CFAP95: variants seen among roughly 807,000 people sequenced by gnomAD.
CFAP95 encodes the protein cilia and flagella associated protein 95.
At chr9:69,874,901 G>A in the CFAP95 span, among the ~76,000 whole-genome samples, 1 of 152,150 alleles carries the variant, frequency 6.6e-6, no homozygotes, top group Non-Finnish European at 1.5e-5. Flanking sequence ...CCGGGTTGGT[G>A]GATTGACATT....
chr9:69,845,852 A>T, the CFAP95 span, among the ~76,000 whole-genome samples: 6 of 152,132 alleles, frequency 3.9e-5, no homozygotes, highest in Admixed American at 3.3e-4. Context: ...TCTCAGGGGA[A>T]TCTGATGATT....
chr9:69,863,913 T>G, the CFAP95 span, among the ~76,000 whole-genome samples: 1 of 152,074 alleles, frequency 6.6e-6, no homozygotes, highest in Non-Finnish European at 1.5e-5. Context: ...TATATACACA[T>G]ATAAACATGT....
chr9:69,837,644 T>A, the CFAP95 span, among the ~76,000 whole-genome samples: 2 of 152,250 alleles, frequency 1.3e-5, no homozygotes, highest in African/African-American at 4.8e-5. Flanking sequence ...CTTTGTCAGA[T>A]GAGTAGGTTG....
chr9:69,841,913 C>T, the CFAP95 span, among the ~76,000 whole-genome samples: 1 of 152,168 alleles, frequency 6.6e-6, no homozygotes, highest in African/African-American at 2.4e-5. Context: ...TCCCATGACA[C>T]ATGGGAATTA....
At chr9:69,824,602 T>C in the CFAP95 span, among the ~76,000 whole-genome samples, 2 of 151,840 alleles carry the variant, frequency 1.3e-5, no homozygotes, top group Admixed American at 1.3e-4. Flanking sequence ...TGCTATATGG[T>C]AAAATGGCCC....
At chr9:69,898,991 G>C in the CFAP95 span, among the ~76,000 whole-genome samples, 1 of 151,932 alleles carries the variant, frequency 6.6e-6, no homozygotes, top group Non-Finnish European at 1.5e-5. Flanking sequence ...AGTTAGCTGT[G>C]TAAGTCCTTT....
chr9:69,831,190 A>G, the CFAP95 span, among the ~76,000 whole-genome samples: 1 of 152,186 alleles, frequency 6.6e-6, no homozygotes, highest in Non-Finnish European at 1.5e-5. Context: ...AAATGGAAGA[A>G]TTAATATAAT....
At chr9:69,845,999 C>T in the CFAP95 span, among the ~76,000 whole-genome samples, 1 of 152,202 alleles carries the variant, frequency 6.6e-6, no homozygotes, top group Non-Finnish European at 1.5e-5. Context: ...ACAAACACAG[C>T]TTCACCTTGC....
the CFAP95 span, among the ~76,000 whole-genome samples, chr9:69,877,609 G>A: frequency 6.6e-6 from 1 of 152,112 alleles, no homozygotes; most frequent in African/African-American, 2.4e-5. Context: ...GCAGGTATAT[G>A]GCTATGCTAT....
chr9:69,886,772 C>CTTTACATGA, the CFAP95 span: 1 of 1,169,892 alleles, frequency 8.5e-7, no homozygotes, highest in Non-Finnish European at 1.3e-6. Context: ...AAGTGTATAC[C>CTTTACATGA]AATAAAAATG....
At chr9:69,906,072 A>G in the CFAP95 span, 23 of 1,613,088 alleles carry the variant, frequency 1.4e-5, no homozygotes, top group Non-Finnish European at 1.9e-5. Flanking sequence ...AGTGGGATTT[A>G]TGCTAATTCA....
At chr9:69,865,017 A>G in the CFAP95 span, among the ~76,000 whole-genome samples, 1 of 152,110 alleles carries the variant, frequency 6.6e-6, no homozygotes, top group Non-Finnish European at 1.5e-5. Context: ...CATAATCCCC[A>G]TAATCCCCAC....
the CFAP95 span, among the ~76,000 whole-genome samples, chr9:69,821,242 T>C: frequency 6.7e-6 from 1 of 148,190 alleles, no homozygotes; most frequent in Non-Finnish European, 1.5e-5. Context: ...GAGAGAGGAA[T>C]GGGAAGGAGG....
At chr9:69,879,760 T>G in the CFAP95 span, among the ~76,000 whole-genome samples, 1 of 152,196 alleles carries the variant, frequency 6.6e-6, no homozygotes, top group Non-Finnish European at 1.5e-5. Context: ...GTTTGGATCG[T>G]AAGTCAGAAT....
At chr9:69,901,354 G>T in the CFAP95 span, among the ~76,000 whole-genome samples, 1 of 152,080 alleles carries the variant, frequency 6.6e-6, no homozygotes, top group Non-Finnish European at 1.5e-5. Context: ...AGCTAGGATG[G>T]TCTCGATCTC....
At chr9:69,878,638 C>A in the CFAP95 span, among the ~76,000 whole-genome samples, 1 of 152,154 alleles carries the variant, frequency 6.6e-6, no homozygotes, top group Non-Finnish European at 1.5e-5. Context: ...ATTTAAGGAA[C>A]CAAAGGGTTG....
chr9:69,895,361 C>CTG, the CFAP95 span, among the ~76,000 whole-genome samples: 56 of 91,780 alleles, frequency 6.1e-4, no homozygotes, highest in South Asian at 1.6e-3. Flanking sequence ...CTCTCTCTCT[C>CTG]TCTCTCTCTG....
chr9:69,852,350 C>T, the CFAP95 span, among the ~76,000 whole-genome samples: 11 of 151,972 alleles, frequency 7.2e-5, no homozygotes, highest in Non-Finnish European at 1.2e-4. Flanking sequence ...ATTATTTGGG[C>T]GGTAACTGAG....
chr9:69,851,648 C>T, the CFAP95 span, among the ~76,000 whole-genome samples: 1 of 151,982 alleles, frequency 6.6e-6, no homozygotes, highest in African/African-American at 2.4e-5. Flanking sequence ...TTTGTCATCT[C>T]AGAGTGATCA....
Sources: gnomAD v4.1 joint callset for allele counts (sites outside exome capture counted in the v4.1 genomes callset) on GRCh38, gnomAD v4.1.1 for gene constraint, MANE v1.5 for transcripts, NCBI Gene and HGNC (gene_info 2026-07-23, HGNC 2026-07-21) for gene names.